MAST4: variants seen among roughly 807,000 people sequenced by gnomAD.
MAST4 encodes the protein microtubule-associated serine/threonine-protein kinase 4.
MAST4 carries 89 observed loss-of-function variants against 162.7 expected under a neutral mutation model. The observed-to-expected ratio is 0.55, with a 90% CI of 0.46 to 0.65. MAST4 has a LOEUF of 0.65. MAST4 is among the 30% of genes least tolerant of loss of function. MAST4 has a pLI of 0.00. For missense variants in MAST4, 3,153 were observed against 3,374.0 expected, an observed-to-expected ratio of 0.93 and a Z score of 1.62; for synonymous variants, 1,479 against 1,361.1, an observed-to-expected ratio of 1.09 and a Z score of -1.91.
intron 4 of MAST4, among the ~76,000 whole-genome samples, chr5:67,017,001 TG>T (rs1753368857): frequency 6.6e-6 from 1 of 152,224 alleles, no homozygotes; most frequent in Non-Finnish European, 1.5e-5. Context: ...TTTTAAAAAA[TG>T]TAATAATTCG....
In MAST4 at chr5:66,751,349, A is replaced by C. The variant is rs180861543; in HGVS notation, c.364-8360A>C. Among the ~76,000 whole-genome samples, 1,377 of 152,344 alleles carry C rather than the reference A, an allele frequency of 9.0e-3. 19 individuals are homozygous for C. Among genetic ancestry groups the C allele is most frequent in the African/African-American group, 0.032 (1,317 of 41,564 alleles). ...GGCTTCAGACAATCAAATTACTCTGAGCTACAGGAGGACATTCAAACCAAA... is the reference window on the plus strand; with the variant it reads ...GGCTTCAGACAATCAAATTACTCTGCGCTACAGGAGGACATTCAAACCAAA... On this transcript the variant is annotated intron_variant, in intron 1 of 28. Transcript: ENST00000403625.
At chr5:67,069,697 T>A (rs1278669704) in intron 5 of MAST4, among the ~76,000 whole-genome samples, 3 of 152,094 alleles carry the variant, frequency 2.0e-5, no homozygotes, top group Non-Finnish European at 4.4e-5. Context: ...AGGCCAGGTA[T>A]CCCCTTGTTT....
chr5:67,024,568 A>G (rs1176525799), intron 4 of MAST4, among the ~76,000 whole-genome samples: 2 of 152,010 alleles, frequency 1.3e-5, no homozygotes, highest in African/African-American at 4.8e-5. Context: ...AGTAATGTGT[A>G]AGTACTATTT....
intron 1 of MAST4, among the ~76,000 whole-genome samples, chr5:66,756,777 T>G (rs1194765639): frequency 6.6e-6 from 1 of 152,180 alleles, no homozygotes; most frequent in Non-Finnish European, 1.5e-5. Context: ...ATGATCTATT[T>G]AGAGAGAGCC....
intron 1 of MAST4, among the ~76,000 whole-genome samples, chr5:66,702,762 G>A (rs1014375442): frequency 6.6e-6 from 1 of 152,178 alleles, no homozygotes; most frequent in Non-Finnish European, 1.5e-5. Flanking sequence ...AATCAGGTAG[G>A]ACCTTGAGGC....
Position 66,596,721 on chromosome 5 carries a change from G to T in MAST4, c.66G>T (p.Arg22=). ...GCGGCTGCAGTGGCCACGGCAGCCG[G>T]ACTCCAGCCTCTGCGCTGGTCGCCG... The part of the protein sequence containing the change: ...VPRGCSGHGS[R]TPASALVAAS... Residue 22 remains arginine, a synonymous_variant, in exon 1 of 29, where the codon CGG becomes CGT. Transcript: ENST00000403625. 1 of 1,435,064 alleles carries T rather than the reference G, an allele frequency of 7.0e-7. No individual in the cohort carries two copies. The highest frequency in any genetic ancestry group is 9.1e-7 in the Non-Finnish European group (1 of 1,094,948). 88.9% of individuals were successfully genotyped at this position (1,435,064 alleles called of 1,614,324 possible).
intron 4 of MAST4, among the ~76,000 whole-genome samples, chr5:67,017,296 T>C (rs1474677444): frequency 6.6e-6 from 1 of 152,212 alleles, no homozygotes; most frequent in Non-Finnish European, 1.5e-5. Flanking sequence ...GAGGAATAGC[T>C]GCCCCTACCT....
chr5:67,060,729 G>A (rs529454533), intron 5 of MAST4, among the ~76,000 whole-genome samples: 12 of 151,934 alleles, frequency 7.9e-5, no homozygotes, highest in Admixed American at 3.3e-4. Flanking sequence ...CACCTGCCTC[G>A]GCCTCCCAAA....
chr5:66,841,165 T>C (rs1185407156), intron 3 of MAST4, among the ~76,000 whole-genome samples: 1 of 152,076 alleles, frequency 6.6e-6, no homozygotes, highest in Non-Finnish European at 1.5e-5. Flanking sequence ...AAGCAGAAAG[T>C]AAAAACACCA....
At chr5:66,690,205 T>C (rs1461648167) in intron 1 of MAST4, among the ~76,000 whole-genome samples, 1 of 152,152 alleles carries the variant, frequency 6.6e-6, no homozygotes, top group Non-Finnish European at 1.5e-5. Flanking sequence ...ATACTTGCCT[T>C]GTTTGCCGCA....
At chr5:66,699,769 G>T (rs557078733) in intron 1 of MAST4, among the ~76,000 whole-genome samples, 2 of 152,096 alleles carry the variant, frequency 1.3e-5, no homozygotes, top group South Asian at 2.1e-4. Flanking sequence ...GGTGGGGCGG[G>T]GGGGAAGGGA....
chr5:66,676,902 G>T (rs1353235772), intron 1 of MAST4, among the ~76,000 whole-genome samples: 1 of 152,128 alleles, frequency 6.6e-6, no homozygotes, highest in Admixed American at 6.5e-5. Context: ...GCAAAATAAT[G>T]GTTCTGTCAA....
At chr5:66,656,971 T>C (rs2149455058) in intron 1 of MAST4, among the ~76,000 whole-genome samples, 1 of 152,348 alleles carries the variant, frequency 6.6e-6, no homozygotes, top group South Asian at 2.1e-4. Context: ...TGAGAGCTCA[T>C]ATGTCTTACT....
At chr5:66,642,737 T>C (rs1430384357) in intron 1 of MAST4, among the ~76,000 whole-genome samples, 4 of 152,198 alleles carry the variant, frequency 2.6e-5, no homozygotes, top group African/African-American at 9.6e-5. Context: ...ACACTGAGAA[T>C]ACTCAGCTCT....
At chr5:67,043,265 T>C (rs1756982754) in intron 4 of MAST4, among the ~76,000 whole-genome samples, 1 of 152,336 alleles carries the variant, frequency 6.6e-6, no homozygotes, top group Non-Finnish European at 1.5e-5. Context: ...ATTTAATTTC[T>C]GTATAGAGAA....
At position 67,100,500 on chromosome 5, in the gene MAST4, C is replaced by G. The variant is rs1764912143; in HGVS notation, c.978C>G (p.His326Gln). The change falls in exon 8 of 29, where the codon CAC becomes CAG. Residue 326 changes from histidine (H) to glutamine (Q), a missense_variant. By Grantham distance (24) the His-to-Gln change is conservative (BLOSUM62 0). This residue lies in a region of MAST4 where 360 missense variants were observed against 450.0 expected (regional missense o/e 0.80). Transcript: ENST00000403625. ...ACCAACCAACACCAGACGAGTTACA[C>G]TTCTTATCAAAACATTTCTGTACCA... ...LPYQPTPDELHFLSKHFCTTE... is the reference protein window; with the variant it reads ...LPYQPTPDELQFLSKHFCTTE... 1 of 1,613,804 alleles carries G rather than the reference C, an allele frequency of 6.2e-7. No homozygotes were observed. The highest frequency in any genetic ancestry group is 1.7e-5 in the Admixed American group (1 of 59,988).
intron 15 of MAST4, among the ~76,000 whole-genome samples, chr5:67,130,663 C>T (rs977039330): frequency 6.6e-6 from 1 of 152,118 alleles, no homozygotes; most frequent in African/African-American, 2.4e-5. Flanking sequence ...GTTTTTAATC[C>T]TAACTACCTC....
chr5:67,106,085 C>T (rs1765563401), intron 10 of MAST4, among the ~76,000 whole-genome samples: 1 of 152,160 alleles, frequency 6.6e-6, no homozygotes, highest in South Asian at 2.1e-4. Flanking sequence ...ACATCTCTGA[C>T]CATTTCTTCT....
At chr5:66,788,605 C>CCCCAGG in intron 2 of MAST4, 65 bp from the exon 3 acceptor site, 1 of 1,344,528 alleles carries the variant, frequency 7.4e-7, no homozygotes, top group Non-Finnish European at 1.0e-6. Context: ...CACCCCCACC[C>CCCCAGG]CCATTGCAAT....
Sources: gnomAD v4.1 joint callset for allele counts (sites outside exome capture counted in the v4.1 genomes callset) on GRCh38, gnomAD v4.1.1 for gene constraint, gnomAD v4.1.1 regional missense constraint, MANE v1.5 for transcripts, NCBI Gene and HGNC (gene_info 2026-07-23, HGNC 2026-07-21) for gene names.